Variants in DNAI7 observed in about 807,000 individuals in gnomAD.
DNAI7 encodes dynein axonemal intermediate chain 7.
A neutral mutation model predicts 86.6 loss-of-function variants in DNAI7; 78 were observed. The ratio of observed to expected loss-of-function variants is 0.90; its 90% CI spans 0.75 to 1.09. DNAI7 has a LOEUF of 1.09. Among genes scored for constraint, DNAI7 ranks in the 50% least tolerant of loss-of-function variants. The probability of loss-of-function intolerance (pLI) is 0.00; values close to 1 mark genes in which losing one functional copy is unlikely to be tolerated. For missense variants in DNAI7, 753 were observed against 810.2 expected (o/e 0.93, Z 0.86); for synonymous variants, 274 against 273.0 (o/e 1.00, Z -0.04).
rs773100616 is a variant in DNAI7, at chr12:25,149,681, G to A, written c.532C>T (p.Leu178=). The change falls in exon 7 of 16, where the codon CTG becomes TTG. Residue 178 remains leucine (L), a synonymous_variant. Coordinates refer to ENST00000395987, the MANE Select transcript of DNAI7 (RefSeq NM_018272.5). ...AATTTAAGATGAAGGAGCTCCTGCA[G>A]TTGTAGTATTGATTCTTGGTACTGT... ...IIQYQESILQ[L]QELLHLKFGV... is the part of the protein sequence containing the mutation. 1 of 1,602,690 alleles carries A rather than the reference G, an allele frequency of 6.2e-7. No homozygotes were observed. Among genetic ancestry groups the A allele is most frequent in the East Asian group, 2.2e-5 (1 of 44,668 alleles).
chr12:25,140,170 A>G (rs1414640145), intron 9 of DNAI7, among the ~76,000 whole-genome samples: 1 of 152,194 alleles, frequency 6.6e-6, no homozygotes, highest in Non-Finnish European at 1.5e-5. Context: ...CTTCTATTCA[A>G]CATAGTACTG....
In DNAI7 at chr12:25,171,732, A is replaced by G. The variant is rs529503987; in HGVS notation, c.22-10535T>C. On this transcript the variant is annotated intron_variant, in intron 2 of 15. Transcript: ENST00000395987. ...ATGCTAAAATCCTTAACAAAATACT[A>G]GCTAACCAAATTCAACAACACATCA... Among the ~76,000 whole-genome samples, 7 of 152,326 alleles carry G rather than the reference A, an allele frequency of 4.6e-5. No individual in the cohort carries two copies. In the South Asian group the frequency reaches 1.2e-3, roughly 27 times the overall value.
intron 2 of DNAI7, among the ~76,000 whole-genome samples, chr12:25,174,244 G>A (rs568846957): frequency 1.0e-4 from 11 of 105,040 alleles, no homozygotes; most frequent in East Asian, 8.6e-4. Flanking sequence ...GTCTGTTTAC[G>A]CTGCTGACTG....
chr12:25,110,299 T>C (rs1397627727), intron 14 of DNAI7, 59 bp from the exon 15 acceptor site: 8 of 946,930 alleles, frequency 8.4e-6, no homozygotes, highest in African/African-American at 3.2e-5. Context: ...TCTTCCTCCA[T>C]CTTTGGCCTC....
rs1385849948 is a variant in DNAI7 at position 25,182,505 on chromosome 12, AGGC to A, written c.21+8106_21+8108del. 3.9e-5 allele frequency among the ~76,000 whole-genome samples: 6 copies of A among 152,006 alleles called. 1 individual carries two copies. The highest frequency in any genetic ancestry group is 8.8e-5 in the Non-Finnish European group (6 of 67,956). On this transcript the variant is annotated intron_variant, in intron 2 of 15. Transcript: ENST00000395987. ...CACACACCTATAGTCCCAGCTACTC[AGGC>A]TGAGGTGGGAGGATTGCTTGAGCCT...
chr12:25,193,053 G>A (rs1328582622), intron 1 of DNAI7, among the ~76,000 whole-genome samples: 1 of 151,806 alleles, frequency 6.6e-6, no homozygotes, highest in Admixed American at 6.6e-5. Flanking sequence ...GGCTGAGTTG[G>A]GAAGATTGCT....
chr12:25,155,750 G>C (rs991286506), intron 4 of DNAI7, among the ~76,000 whole-genome samples: 3 of 152,200 alleles, frequency 2.0e-5, no homozygotes, highest in African/African-American at 7.2e-5. Context: ...GCACAGATCA[G>C]ACAGTGACCC....
chr12:25,133,885 C>A (rs551157955), intron 9 of DNAI7, among the ~76,000 whole-genome samples: 5 of 152,382 alleles, frequency 3.3e-5, no homozygotes, highest in South Asian at 4.1e-4. Context: ...TTACCATTCA[C>A]AGACTTTGGA....
At chr12:25,182,966 G>T (rs1022947979) in intron 2 of DNAI7, among the ~76,000 whole-genome samples, 3 of 150,486 alleles carry the variant, frequency 2.0e-5, no homozygotes, top group African/African-American at 7.3e-5. Flanking sequence ...AGGAAGGGAG[G>T]AAGGGAGGAA....
chr12:25,191,199 A>C (rs1047611176), intron 1 of DNAI7, among the ~76,000 whole-genome samples: 1 of 152,108 alleles, frequency 6.6e-6, no homozygotes, highest in Non-Finnish European at 1.5e-5. Flanking sequence ...GATCACCTGA[A>C]CCCAAGAGTT....
chr12:25,160,734 AAAAAG>A (rs1253192221), intron 3 of DNAI7, among the ~76,000 whole-genome samples: 1 of 152,246 alleles, frequency 6.6e-6, no homozygotes, highest in Admixed American at 6.5e-5. Flanking sequence ...GCTGAGAAAT[AAAAAG>A]AAAATTTTAT....
At chr12:25,163,027 C>T (rs1267376192) in intron 2 of DNAI7, among the ~76,000 whole-genome samples, 1 of 152,226 alleles carries the variant, frequency 6.6e-6, no homozygotes, top group Non-Finnish European at 1.5e-5. Flanking sequence ...CCTGTACGAC[C>T]TGGGAGACAC....
chr12:25,120,747 AT>A (rs1252959142), intron 11 of DNAI7, among the ~76,000 whole-genome samples: 1 of 152,176 alleles, frequency 6.6e-6, no homozygotes, highest in South Asian at 2.1e-4. Flanking sequence ...AATAAAAAAA[AT>A]AAATAAACCA....
In DNAI7 at chr12:25,149,736, TG is replaced by T; in HGVS notation, c.476del (p.Pro159HisfsTer10). 6.5e-7 allele frequency: 1 copy of T among 1,546,160 alleles called. No homozygotes were observed. The highest frequency in any genetic ancestry group is 8.9e-7 in the Non-Finnish European group (1 of 1,121,252). ...EKLKFILLET[P>X]PCDLQDKNII... ...TATTTTTATCTTGCAAATCACATGGTGGAGTTTCCAGTAAAATAAATTTCAA... is the reference window on the plus strand; with the variant it reads ...TATTTTTATCTTGCAAATCACATGGTGAGTTTCCAGTAAAATAAATTTCAA... On this transcript the variant is annotated frameshift_variant, in exon 7 of 16. Transcript: ENST00000395987. LOFTEE classifies it high-confidence loss of function.
intron 2 of DNAI7, among the ~76,000 whole-genome samples, chr12:25,184,837 T>A (rs1235929550): frequency 6.6e-6 from 1 of 151,934 alleles, no homozygotes; most frequent in Non-Finnish European, 1.5e-5. Context: ...ACCCTCATGA[T>A]AAAAATTGCT....
intron 15 of DNAI7, 86 bp downstream of exon 15, chr12:25,110,041 A>C (rs1020726900): frequency 1.5e-6 from 1 of 689,084 alleles, no homozygotes; most frequent in Non-Finnish European, 2.5e-6. Flanking sequence ...TAAGAGGGGA[A>C]GCCATGGTCT....
intron 2 of DNAI7, among the ~76,000 whole-genome samples, chr12:25,163,290 C>A (rs995798139): frequency 2.2e-4 from 33 of 152,240 alleles, no homozygotes; most frequent in Admixed American, 1.4e-3. Context: ...CCGGTTCCTG[C>A]CTTAACTGAT....
At chr12:25,176,177 G>C (rs982105023) in intron 2 of DNAI7, among the ~76,000 whole-genome samples, 1 of 151,966 alleles carries the variant, frequency 6.6e-6, no homozygotes, top group African/African-American at 2.4e-5. Flanking sequence ...ATGTTAATCT[G>C]TTTTCTATTT....
At chr12:25,134,080 G>A (rs935929532) in intron 9 of DNAI7, among the ~76,000 whole-genome samples, 7 of 152,040 alleles carry the variant, frequency 4.6e-5, no homozygotes, top group Non-Finnish European at 8.8e-5. Context: ...CTGCAGCCTC[G>A]ACCTCCTGGG....
Sources: gnomAD v4.1 joint callset for allele counts (sites outside exome capture counted in the v4.1 genomes callset) on GRCh38, gnomAD v4.1.1 for gene constraint, MANE v1.5 for transcripts, NCBI Gene and HGNC (gene_info 2026-07-23, HGNC 2026-07-21) for gene names.